ACBD5: variants seen among roughly 807,000 people sequenced by gnomAD.
ACBD5 encodes acyl-CoA-binding domain-containing protein 5.
ACBD5 carries 40 observed loss-of-function variants against 71.8 expected under a neutral mutation model. That is an observed-to-expected ratio of 0.56 (90% CI 0.43 to 0.72). The LOEUF (loss-of-function observed/expected upper bound fraction) is 0.72, where lower values mean the gene tolerates loss of function less well. Ranked by LOEUF, ACBD5 falls within the 30% of genes least tolerant of loss-of-function variation. ACBD5 has a pLI of 0.00. For synonymous variants in ACBD5, 229 were observed against 218.6 expected (o/e 1.05, Z -0.42); for missense variants, 559 against 644.5 (o/e 0.87, Z 1.44).
chr10:27,231,448 C>T (rs769636989), intron 4 of ACBD5, among the ~76,000 whole-genome samples: 3 of 152,096 alleles, frequency 2.0e-5, no homozygotes, highest in Admixed American at 6.6e-5. Context: ...ATTTGGAAGG[C>T]GGAGATTGCA....
At chr10:27,237,321 T>G (rs532859475) in intron 2 of ACBD5, among the ~76,000 whole-genome samples, 1 of 152,196 alleles carries the variant, frequency 6.6e-6, no homozygotes, top group Non-Finnish European at 1.5e-5. Flanking sequence ...ACTTCATATG[T>G]ATTTGAAATA....
intron 8 of ACBD5, among the ~76,000 whole-genome samples, chr10:27,213,281 C>T (rs2061297454): frequency 1.3e-5 from 2 of 152,066 alleles, no homozygotes; most frequent in Non-Finnish European, 2.9e-5. Flanking sequence ...TGATCATCAG[C>T]GAAATGCAAA....
chr10:27,207,619 A>C (rs1398052476), intron 10 of ACBD5, among the ~76,000 whole-genome samples: 1 of 152,226 alleles, frequency 6.6e-6, no homozygotes, highest in Non-Finnish European at 1.5e-5. Flanking sequence ...AATGTTACTC[A>C]AGAAGCGGCA....
chr10:27,192,594 G>A (rs1255685448), downstream of ACBD5, among the ~76,000 whole-genome samples: 1 of 151,792 alleles, frequency 6.6e-6, no homozygotes, highest in African/African-American at 2.4e-5. Flanking sequence ...GAAGAGGGGA[G>A]GGGACAGAAG....
chr10:27,235,618 T>G (rs2064563441), intron 2 of ACBD5, among the ~76,000 whole-genome samples: 1 of 152,244 alleles, frequency 6.6e-6, no homozygotes, highest in Admixed American at 6.5e-5. Context: ...AAAAGTTATA[T>G]GTATACTCTG....
chr10:27,190,053 G>A (rs1009140621), intron 13 of ACBD5, among the ~76,000 whole-genome samples: 3 of 152,172 alleles, frequency 2.0e-5, no homozygotes, highest in African/African-American at 7.2e-5. Context: ...GGGAGGCTGA[G>A]ACGAGTGGAT....
intron 8 of ACBD5, 106 bp from the exon 9 acceptor site, chr10:27,211,187 A>G: frequency 8.6e-7 from 1 of 1,168,944 alleles, no homozygotes; most frequent in Non-Finnish European, 1.2e-6. Context: ...ATGTTCTTTC[A>G]TGTTATTATT....
At chr10:27,230,118 A>C (rs1204067005) in intron 4 of ACBD5, among the ~76,000 whole-genome samples, 1 of 151,846 alleles carries the variant, frequency 6.6e-6, no homozygotes, top group Non-Finnish European at 1.5e-5. Flanking sequence ...AAAAAGAGAA[A>C]TAGTTATGAA....
At chr10:27,241,175 C>A (rs34703806), upstream of ACBD5, among the ~76,000 whole-genome samples, 357 of 152,326 alleles carry the variant, frequency 2.3e-3, 1 homozygote, top group Admixed American at 8.4e-3. Flanking sequence ...TCCCCAGCGC[C>A]TGCACTCTCC....
intron 13 of ACBD5, among the ~76,000 whole-genome samples, chr10:27,189,219 G>A (rs2058950786): frequency 6.6e-6 from 1 of 152,180 alleles, no homozygotes; most frequent in Admixed American, 6.6e-5. Context: ...CTCTACAAAT[G>A]TATTGTTCTT....
chr10:27,207,524 G>A (rs1428896410), intron 10 of ACBD5, among the ~76,000 whole-genome samples: 1 of 152,088 alleles, frequency 6.6e-6, no homozygotes, highest in East Asian at 1.9e-4. Context: ...CTTAACATCT[G>A]TTACAGCATG....
Position 27,195,615 on chromosome 10 carries a change from A to T in ACBD5, c.*1815T>A. ...GGTCTAAATGTTATTTTTACATATAAATTCAGTTGCTTGCTTCACTTTTTC... is the reference window on the plus strand; with the variant it reads ...GGTCTAAATGTTATTTTTACATATATATTCAGTTGCTTGCTTCACTTTTTC... On this transcript the variant is annotated 3_prime_UTR_variant, in exon 13 of 13. Transcript: ENST00000396271. 2.4e-6 allele frequency: 1 copy of T among 424,256 alleles called. No individual in the cohort carries two copies. The highest frequency in any genetic ancestry group is 1.7e-5 in the South Asian group (1 of 58,080). 26.3% of individuals were successfully genotyped at this position (424,256 alleles called of 1,614,324 possible). A position where few individuals can be genotyped will look rare whatever the true frequency, so the allele number is the denominator to read the frequency against.
intron 4 of ACBD5, among the ~76,000 whole-genome samples, chr10:27,224,544 C>T (rs1208967907): frequency 6.6e-6 from 1 of 152,158 alleles, no homozygotes; most frequent in East Asian, 1.9e-4. Flanking sequence ...CTTTCAGACA[C>T]CTTCATAAAT....
chr10:27,211,220 A>C, intron 8 of ACBD5, 139 bp from the exon 9 acceptor site: 1 of 916,102 alleles, frequency 1.1e-6, no homozygotes, highest in South Asian at 1.6e-5. Flanking sequence ...TTTCTAAAAA[A>C]TGTCTTCAAT....
rs59517035 is a variant in ACBD5, at chr10:27,204,894, G to A, written c.1455+304C>T. On this transcript the variant is annotated intron_variant, in intron 11 of 12. Coordinates refer to ENST00000396271, the MANE Select transcript of ACBD5 (RefSeq NM_145698.5). ...TGTAATCCCAGCACTTTGGGAGGCC[G>A]AGGTGGGCAGATCACGAGGTCAGGA... Among the ~76,000 whole-genome samples the A allele has an allele frequency of 2.9e-3, 449 of 152,270 alleles. 1 individual carries two copies. The highest frequency in any genetic ancestry group is 0.01 in the African/African-American group (424 of 41,546).
chr10:27,215,283 G>C (rs941368748), intron 8 of ACBD5, among the ~76,000 whole-genome samples: 14 of 151,988 alleles, frequency 9.2e-5, no homozygotes, highest in Non-Finnish European at 4.4e-5. Context: ...ACGTCTCCTA[G>C]AATATTTATA....
chr10:27,199,196 CTT>C (rs370902574), intron 12 of ACBD5, among the ~76,000 whole-genome samples: 1 of 146,602 alleles, frequency 6.8e-6, no homozygotes. Context: ...ATCTTTTTTT[CTT>C]TTTTTTTTGA....
At chr10:27,220,796 G>A (rs2062239709) in intron 5 of ACBD5, among the ~76,000 whole-genome samples, 1 of 151,886 alleles carries the variant, frequency 6.6e-6, no homozygotes, top group Non-Finnish European at 1.5e-5. Context: ...AAAACTTACT[G>A]TATATGTATA....
chr10:27,227,009 A>ATTTTTTTTTTTTTTTTT, intron 4 of ACBD5, among the ~76,000 whole-genome samples: 3 of 78,402 alleles, frequency 3.8e-5, no homozygotes, highest in Non-Finnish European at 6.7e-5. Context: ...TTTTTTTGCG[A>ATTTTTTTTTTTTTTTTT]TTTTTTTTTT....
Sources: gnomAD v4.1 joint callset for allele counts (sites outside exome capture counted in the v4.1 genomes callset) on GRCh38, gnomAD v4.1.1 for gene constraint, MANE v1.5 for transcripts, NCBI Gene and HGNC (gene_info 2026-07-23, HGNC 2026-07-21) for gene names.